Variants in ADGRG5 observed in about 807,000 individuals in gnomAD.
The protein encoded by ADGRG5 is G protein-coupled receptor 114.
A neutral mutation model predicts 53.2 loss-of-function variants in ADGRG5; 37 were observed. The ratio of observed to expected loss-of-function variants is 0.70; its 90% confidence interval spans 0.53 to 0.91. ADGRG5 has a LOEUF of 0.91. ADGRG5 is among the 40% of genes least tolerant of loss of function. ADGRG5 has a pLI of 0.00. For missense variants in ADGRG5, 614 were observed against 675.8 expected (o/e 0.91, Z 1.01); for synonymous variants, 277 against 290.4 (o/e 0.95, Z 0.47).
At chr16:57,535,235 G>C in the ADGRG5 span, among the ~76,000 whole-genome samples, 13 of 152,332 alleles carry the variant, frequency 8.5e-5, no homozygotes, top group East Asian at 1.7e-3. Flanking sequence ...AGGACCTCTG[G>C]GGGGAGCTGG....
intron 1 of ADGRG5, 37 bp from the exon 2 acceptor site, chr16:57,562,019 C>G: frequency 6.2e-6 from 8 of 1,297,998 alleles, no homozygotes; most frequent in South Asian, 3.0e-5. Flanking sequence ...AGAGGTTGCT[C>G]TTTTATCATC....
chr16:57,551,828 A>G (rs1417606107), intron 1 of ADGRG5, among the ~76,000 whole-genome samples: 6 of 152,098 alleles, frequency 3.9e-5, no homozygotes, highest in Admixed American at 1.3e-4. Context: ...AGAAATCACT[A>G]TCTATGACAG....
At position 57,575,624 on chromosome 16, in the gene ADGRG5, T is replaced by G; in HGVS notation, c.*86T>G. 1 of 1,098,702 alleles carries G rather than the reference T, an allele frequency of 9.1e-7. No individual in the cohort carries two copies. Among genetic ancestry groups the G allele is most frequent in the Non-Finnish European group, 1.4e-6 (1 of 732,340 alleles). 68.1% of individuals were successfully genotyped at this position (1,098,702 alleles called of 1,614,324 possible). The stretch of plus-strand genomic sequence containing the variant: ...CTCCTGCTAGAGAGGGTGGCAGGCC[T>G]GCTGCTGGACCCCAGAGGCCACTGT... On this transcript the variant is annotated 3_prime_UTR_variant, in exon 12 of 12. Transcript: ENST00000349457.
chr16:57,559,564 A>G (rs1372761244), intron 1 of ADGRG5, among the ~76,000 whole-genome samples: 2 of 152,208 alleles, frequency 1.3e-5, no homozygotes, highest in African/African-American at 4.8e-5. Flanking sequence ...CTCAGCCATT[A>G]AGATTTCATT....
At chr16:57,548,647 A>C (rs2032675941) in intron 1 of ADGRG5, among the ~76,000 whole-genome samples, 1 of 150,950 alleles carries the variant, frequency 6.6e-6, no homozygotes, top group South Asian at 2.1e-4. Context: ...TCTGTTCTCC[A>C]TCTTTATCAT....
rs2033101306 is a variant in ADGRG5, at chr16:57,565,129, C to T, written c.525C>T (p.Ser175=). The T allele has an allele frequency of 1.2e-6, 2 of 1,612,944 alleles. No individual in the cohort carries two copies. Among genetic ancestry groups the T allele is most frequent in the Non-Finnish European group, 1.7e-6 (2 of 1,178,946 alleles). The change falls in exon 6 of 12, where the codon AGC becomes AGT. Residue 175 remains serine, a synonymous_variant. Coordinates refer to ENST00000349457, the MANE Select transcript of ADGRG5 (RefSeq NM_001304376.3). ...VNNLRDPVNI[S]FWHNQSLEGY... ...ACCTCAGGGATCCTGTGAACATCAGCTTCTGGCACAACCAAAGCCTGGTAC... is the reference window on the plus strand; with the variant it reads ...ACCTCAGGGATCCTGTGAACATCAGTTTCTGGCACAACCAAAGCCTGGTAC...
At position 57,568,138 on chromosome 16, in the gene ADGRG5, C is replaced by G. The variant is rs1448159008; in HGVS notation, c.1090+14C>G. 1 of 1,611,718 alleles carries G rather than the reference C, an allele frequency of 6.2e-7. No homozygotes were observed. Among genetic ancestry groups the G allele is most frequent in the Admixed American group, 1.7e-5 (1 of 59,966 alleles). ...TGCTAGGCTGGGGTAAGCACATCAT[C>G]TCTCCTCGCCTCCTCAGACTTCCAG... On this transcript the variant is annotated intron_variant, in intron 9 of 11. Coordinates refer to ENST00000349457, the MANE Select transcript of ADGRG5 (RefSeq NM_001304376.3).
intron 1 of ADGRG5, among the ~76,000 whole-genome samples, chr16:57,544,120 T>G (rs2032560228): frequency 6.6e-6 from 1 of 152,116 alleles, no homozygotes; most frequent in Admixed American, 6.5e-5. Context: ...CCAACCATCT[T>G]TGGGAGGCTG....
the ADGRG5 span, among the ~76,000 whole-genome samples, chr16:57,532,714 CACACACACACACACACACACAGAGGCAG>C: frequency 6.6e-6 from 1 of 151,952 alleles, no homozygotes; most frequent in African/African-American, 2.4e-5. Flanking sequence ...CACACACACA[CACACACACACACACACACACAGAGGCAG>C]ACACACACAC....
the ADGRG5 span, among the ~76,000 whole-genome samples, chr16:57,531,141 T>C: frequency 6.6e-6 from 1 of 151,984 alleles, no homozygotes; most frequent in Non-Finnish European, 1.5e-5. Flanking sequence ...CCAGCCCAGG[T>C]TGCCCTCAGA....
At chr16:57,529,378 C>T in the ADGRG5 span, 1 of 574,984 alleles carries the variant, frequency 1.7e-6, no homozygotes, top group Non-Finnish European at 2.3e-6. The surrounding 1 kb of genome is among the most constrained non-coding windows in gnomAD (Gnocchi z 4.1). Context: ...TCTCGAAGAT[C>T]AGCCGCGCCA....
intron 11 of ADGRG5, 38 bp from the exon 12 acceptor site, chr16:57,575,400 C>T: frequency 6.3e-7 from 1 of 1,577,214 alleles, no homozygotes; most frequent in South Asian, 1.1e-5. Context: ...TTGGGGAAGC[C>T]CATGCTGCCC....
intron 1 of ADGRG5, among the ~76,000 whole-genome samples, chr16:57,544,175 G>C (rs547639523): frequency 2.2e-4 from 33 of 152,294 alleles, no homozygotes; most frequent in African/African-American, 7.7e-4. Context: ...GCCTGGGTTT[G>C]AGTCCCAGCT....
intron 1 of ADGRG5, among the ~76,000 whole-genome samples, chr16:57,545,982 C>T (rs887805069): frequency 5.3e-5 from 8 of 152,078 alleles, no homozygotes; most frequent in Non-Finnish European, 8.8e-5. Flanking sequence ...CGCTCCACTG[C>T]GCCTGACTAA....
At chr16:57,533,759 C>G in the ADGRG5 span, among the ~76,000 whole-genome samples, 1 of 152,140 alleles carries the variant, frequency 6.6e-6, no homozygotes, top group Non-Finnish European at 1.5e-5. Context: ...CGTGCACACT[C>G]ACACACAGCC....
chr16:57,532,716 CACACACACACACACACACAGAGGCAG>C, the ADGRG5 span, among the ~76,000 whole-genome samples: 1 of 151,996 alleles, frequency 6.6e-6, no homozygotes, highest in Non-Finnish European at 1.5e-5. Context: ...CACACACACA[CACACACACACACACACACAGAGGCAG>C]ACACACACAC....
At chr16:57,560,776 G>A (rs769045145) in intron 1 of ADGRG5, among the ~76,000 whole-genome samples, 1 of 152,014 alleles carries the variant, frequency 6.6e-6, no homozygotes, top group Non-Finnish European at 1.5e-5. Context: ...AACAAACTCT[G>A]TTTTTATTTT....
chr16:57,558,560 C>G (rs1285285080), intron 1 of ADGRG5, among the ~76,000 whole-genome samples: 1 of 152,254 alleles, frequency 6.6e-6, no homozygotes, highest in African/African-American at 2.4e-5. Context: ...CAGCCTTAGA[C>G]AGTCTTGAGC....
chr16:57,572,068 T>C (rs1351370866), intron 10 of ADGRG5, among the ~76,000 whole-genome samples: 1 of 151,806 alleles, frequency 6.6e-6, no homozygotes, highest in Non-Finnish European at 1.5e-5. Flanking sequence ...TCTTCCTCAC[T>C]CTGCCCTCTC....
Sources: gnomAD v4.1 joint callset for allele counts (sites outside exome capture counted in the v4.1 genomes callset) on GRCh38, gnomAD v4.1.1 for gene constraint, Gnocchi (gnomAD v3.1) non-coding constraint, MANE v1.5 for transcripts, NCBI Gene and HGNC (gene_info 2026-07-23, HGNC 2026-07-21) for gene names.